Variants in PXDNL observed in about 807,000 individuals in gnomAD.
The protein encoded by PXDNL is probable oxidoreductase PXDNL.
Under a neutral mutation model 150.8 loss-of-function variants are expected in PXDNL, and 145 were observed. The ratio of observed to expected loss-of-function variants is 0.96; its 90% CI spans 0.84 to 1.10. The LOEUF (loss-of-function observed/expected upper bound fraction) is 1.10. Among genes scored for constraint, PXDNL ranks in the 50% least tolerant of loss-of-function variants. The pLI is 0.00. For synonymous variants in PXDNL, 757 were observed against 725.7 expected (o/e 1.04, Z -0.69); for missense variants, 2,087 against 1,873.9 (o/e 1.11, Z -2.10).
At chr8:51,512,304 G>A (rs1451541391) in intron 4 of PXDNL, among the ~76,000 whole-genome samples, 1 of 152,170 alleles carries the variant, frequency 6.6e-6, no homozygotes, top group Non-Finnish European at 1.5e-5. Flanking sequence ...GTGAGGACAG[G>A]GGTAAGAAGT....
At chr8:51,714,131 AG>A (rs1294882567) in intron 1 of PXDNL, among the ~76,000 whole-genome samples, 1 of 152,236 alleles carries the variant, frequency 6.6e-6, no homozygotes, top group Non-Finnish European at 1.5e-5. Context: ...AGTAAAATTA[AG>A]TCATCCCTAA....
intron 5 of PXDNL, among the ~76,000 whole-genome samples, chr8:51,488,983 C>T (rs1435665632): frequency 1.3e-5 from 2 of 152,018 alleles, no homozygotes; most frequent in South Asian, 2.1e-4. Context: ...AAATCGGAAA[C>T]AAGAAAGATC....
At chr8:51,620,051 C>T (rs1199180355) in intron 2 of PXDNL, among the ~76,000 whole-genome samples, 2 of 152,132 alleles carry the variant, frequency 1.3e-5, no homozygotes, top group South Asian at 2.1e-4. Context: ...GGCCATCACC[C>T]TTATGATGGG....
chr8:51,515,588 C>T (rs1811519351), intron 4 of PXDNL, among the ~76,000 whole-genome samples: 1 of 152,200 alleles, frequency 6.6e-6, no homozygotes, highest in Admixed American at 6.5e-5. Context: ...TTTTCTCTTC[C>T]TCTTGTCCTC....
chr8:51,622,220 A>G (rs1014495383), intron 2 of PXDNL, among the ~76,000 whole-genome samples: 2 of 152,144 alleles, frequency 1.3e-5, no homozygotes, highest in African/African-American at 4.8e-5. Flanking sequence ...CAGGAATCTC[A>G]GATCCACAAT....
chr8:51,567,509 C>T (rs150022588), intron 3 of PXDNL, among the ~76,000 whole-genome samples: 81 of 151,952 alleles, frequency 5.3e-4, no homozygotes, highest in African/African-American at 1.5e-3. Flanking sequence ...TTTATCATTA[C>T]ATAATACTCT....
In PXDNL at chr8:51,426,717, C is replaced by T. The variant is rs771011375; in HGVS notation, c.1567G>A (p.Glu523Lys). 9.3e-6 allele frequency: 15 copies of T among 1,606,554 alleles called. No homozygotes were observed. The highest frequency in any genetic ancestry group is 4.0e-5 in the African/African-American group (3 of 74,824). Residue 523 changes from glutamate to lysine, a missense_variant, in exon 13 of 23, where the codon GAG becomes AAG. By Grantham distance (56) the Glu-to-Lys change is moderately conservative (BLOSUM62 1). Coordinates refer to ENST00000356297, the MANE Select transcript of PXDNL (RefSeq NM_144651.5). ...GAAATGTTTATATTCTTTCCAACCT[C>T]GACACTTGTATCCTGAGGAAGTTGA... The part of the protein sequence containing the change: ...FTQLPQDTSV[E>K]VGKNINISCH...
intron 6 of PXDNL, among the ~76,000 whole-genome samples, chr8:51,479,818 T>C (rs1810561429): frequency 6.6e-6 from 1 of 152,274 alleles, no homozygotes; most frequent in Non-Finnish European, 1.5e-5. Flanking sequence ...ACCACTATGT[T>C]ATATATCCAT....
intron 12 of PXDNL, 31 bp downstream of exon 12, chr8:51,446,973 G>T: frequency 6.2e-7 from 1 of 1,608,516 alleles, no homozygotes; most frequent in Non-Finnish European, 8.5e-7. Flanking sequence ...GCACACTTCA[G>T]AATGTGAATA....
At chr8:51,534,415 C>T (rs1463132430) in intron 4 of PXDNL, among the ~76,000 whole-genome samples, 19 of 139,634 alleles carry the variant, frequency 1.4e-4, no homozygotes, top group Non-Finnish European at 2.0e-4. Context: ...CGCCTCTGCC[C>T]GGCCGCCCCT....
intron 17 of PXDNL, among the ~76,000 whole-genome samples, chr8:51,399,032 G>T (rs1227888357): frequency 6.6e-6 from 1 of 152,126 alleles, no homozygotes; most frequent in Non-Finnish European, 1.5e-5. Flanking sequence ...ACAGTAGAAA[G>T]TCTGTGAACT....
intron 2 of PXDNL, among the ~76,000 whole-genome samples, chr8:51,602,982 T>C (rs1033879696): frequency 2.0e-5 from 3 of 151,724 alleles, no homozygotes; most frequent in African/African-American, 7.2e-5. Flanking sequence ...TTCATTTTAA[T>C]GCTTTAATCT....
intron 1 of PXDNL, among the ~76,000 whole-genome samples, chr8:51,674,842 G>T (rs1318714756): frequency 6.6e-6 from 1 of 152,178 alleles, no homozygotes; most frequent in African/African-American, 2.4e-5. Context: ...CATAAACCAA[G>T]CCCAGTTTCA....
intron 1 of PXDNL, among the ~76,000 whole-genome samples, chr8:51,800,251 G>A (rs967105890): frequency 3.3e-5 from 5 of 152,048 alleles, no homozygotes; most frequent in African/African-American, 1.2e-4. Flanking sequence ...CATATTTTAT[G>A]TTAATATCCC....
chr8:51,764,301 C>T (rs1202757820), intron 1 of PXDNL, among the ~76,000 whole-genome samples: 1 of 149,470 alleles, frequency 6.7e-6, no homozygotes, highest in East Asian at 1.9e-4. Context: ...CTAGTCTCTA[C>T]TTCATTTATT....
At chr8:51,787,037 G>A (rs1178525126) in intron 1 of PXDNL, among the ~76,000 whole-genome samples, 2 of 149,078 alleles carry the variant, frequency 1.3e-5, no homozygotes, top group Non-Finnish European at 3.0e-5. Flanking sequence ...CTGGATGACA[G>A]CACATCTGTT....
intron 14 of PXDNL, among the ~76,000 whole-genome samples, chr8:51,415,698 G>A (rs191938628): frequency 1.3e-5 from 2 of 152,128 alleles, no homozygotes; most frequent in East Asian, 3.9e-4. Flanking sequence ...ATACATGGAT[G>A]GACACTTAAA....
At chr8:51,463,745 A>G (rs1401667416) in intron 8 of PXDNL, among the ~76,000 whole-genome samples, 1 of 152,224 alleles carries the variant, frequency 6.6e-6, no homozygotes, top group Admixed American at 6.5e-5. Context: ...TCAAAATCAT[A>G]CCAACCATAC....
At chr8:51,374,368 T>G (rs1416361204) in intron 18 of PXDNL, among the ~76,000 whole-genome samples, 1 of 152,154 alleles carries the variant, frequency 6.6e-6, no homozygotes, top group African/African-American at 2.4e-5. Flanking sequence ...CCAACTTCTA[T>G]TGCCTTTTGA....
Sources: gnomAD v4.1 joint callset for allele counts (sites outside exome capture counted in the v4.1 genomes callset) on GRCh38, gnomAD v4.1.1 for gene constraint, MANE v1.5 for transcripts, NCBI Gene and HGNC (gene_info 2026-07-23, HGNC 2026-07-21) for gene names.